MPRIP: variants seen among roughly 807,000 people sequenced by gnomAD.
MPRIP encodes the protein myosin phosphatase Rho interacting protein.
Under a neutral mutation model 234.9 loss-of-function variants are expected in MPRIP, and 59 were observed. The ratio of observed to expected loss-of-function variants is 0.25; its 90% CI spans 0.20 to 0.31. The LOEUF (loss-of-function observed/expected upper bound fraction) is 0.31. Ranked by LOEUF, MPRIP falls within the 10% of genes least tolerant of loss-of-function variation. The pLI, the probability that MPRIP is intolerant of heterozygous loss-of-function variation, is 1.00. For synonymous variants in MPRIP, 1,144 were observed against 1,263.9 expected (o/e 0.91, Z 2.01); for missense variants, 2,436 against 3,071.0 (o/e 0.79, Z 4.89).
At chr17:17,136,070 A>G in intron 5 of MPRIP, 149 bp from the exon 6 acceptor site, 1 of 758,876 alleles carries the variant, frequency 1.3e-6, no homozygotes. Context: ...CTGTGGTCTC[A>G]CTGTTTTGGG....
chr17:17,167,540 C>T lies in MPRIP; in HGVS notation c.5949C>T (p.Asp1983=). Residue 1983 remains aspartate (D), a synonymous_variant, in exon 16 of 24, where the codon GAC becomes GAT. Transcript: ENST00000651222. The surrounding 1 kb of genome is among the most constrained non-coding windows in gnomAD (Gnocchi z 5.9). ...VLSQLDASVR[D]RQDMERHHGE... ...GCCAGCTGGATGCCTCGGTCAGAGA[C>T]AGGCAGGACATGGAGAGGCATCATG... The T allele has an allele frequency of 7.7e-7, 1 of 1,304,274 alleles. No homozygotes were observed. Among genetic ancestry groups the T allele is most frequent in the Non-Finnish European group, 1.0e-6 (1 of 988,964 alleles). The allele number at this position is 1,304,274 out of a possible 1,614,324, so 80.8% of individuals were successfully genotyped here.
chr17:17,136,461 G>C lies in MPRIP; in HGVS notation c.736+11G>C. The C allele has an allele frequency of 6.2e-7, 1 of 1,603,588 alleles. No homozygotes were observed. Among genetic ancestry groups the C allele is most frequent in the African/African-American group, 1.3e-5 (1 of 74,850 alleles). On this transcript the variant is annotated intron_variant, in intron 6 of 23. Coordinates refer to ENST00000651222, the MANE Select transcript of MPRIP (RefSeq NM_001364716.4). Reference sequence around the variant, plus strand: ...TAGAGAGCAAAGAAGGTGAGCGGAGGCCAGGCTGGCTTGTATGCACGGGAA... The same window carrying C: ...TAGAGAGCAAAGAAGGTGAGCGGAGCCCAGGCTGGCTTGTATGCACGGGAA...
chr17:17,101,824 C>T (rs1348403639), intron 3 of MPRIP, among the ~76,000 whole-genome samples: 1 of 152,160 alleles, frequency 6.6e-6, no homozygotes, highest in African/African-American at 2.4e-5. Flanking sequence ...GTTCAAGTGC[C>T]CTTTCCAGGC....
chr17:17,062,737 AGAT>A, intron 1 of MPRIP, among the ~76,000 whole-genome samples: 1 of 152,382 alleles, frequency 6.6e-6, no homozygotes. Context: ...GTTAGGGAGT[AGAT>A]GTATAGTCAC....
intron 3 of MPRIP, among the ~76,000 whole-genome samples, chr17:17,079,036 T>G (rs1330836155): frequency 6.6e-6 from 1 of 152,190 alleles, no homozygotes; most frequent in African/African-American, 2.4e-5. Context: ...TGGAGATAAC[T>G]GTCCCTAGAG....
At chr17:17,096,093 T>G (rs1260081905) in intron 3 of MPRIP, among the ~76,000 whole-genome samples, 1 of 152,196 alleles carries the variant, frequency 6.6e-6, no homozygotes, top group Non-Finnish European at 1.5e-5. Context: ...TGGAGGCCCC[T>G]CTGTGTGTCA....
At chr17:17,065,003 C>T (rs527468508) in intron 1 of MPRIP, among the ~76,000 whole-genome samples, 25 of 152,146 alleles carry the variant, frequency 1.6e-4, no homozygotes, top group African/African-American at 5.1e-4. Context: ...TTGGTGTTGT[C>T]ACCATTTGTT....
chr17:17,096,807 A>C (rs967378975), intron 3 of MPRIP: 1 of 471,134 alleles, frequency 2.1e-6, no homozygotes, highest in Non-Finnish European at 4.4e-6. Context: ...TGGGGAAACC[A>C]CAAGGGAGCT....
intron 18 of MPRIP, 111 bp from the exon 19 acceptor site, chr17:17,173,805 C>T (rs1567776461): frequency 7.9e-7 from 1 of 1,262,750 alleles, no homozygotes; most frequent in Non-Finnish European, 1.2e-6. Flanking sequence ...AGACAACAGA[C>T]TGTGTGGGCC....
chr17:17,060,240 G>A (rs571349520), intron 1 of MPRIP, among the ~76,000 whole-genome samples: 2 of 152,268 alleles, frequency 1.3e-5, no homozygotes, highest in East Asian at 3.9e-4. Flanking sequence ...GGGCCCCACC[G>A]GGTCCCTAAG....
At chr17:17,057,610 G>A (rs1378390146) in intron 1 of MPRIP, 1 of 717,972 alleles carries the variant, frequency 1.4e-6, no homozygotes, top group African/African-American at 1.7e-5. Context: ...ACTGTTACCA[G>A]TTTTCAACCT....
At chr17:17,099,734 T>TA (rs1261600826) in intron 3 of MPRIP, among the ~76,000 whole-genome samples, 2 of 151,816 alleles carry the variant, frequency 1.3e-5, no homozygotes, top group African/African-American at 2.4e-5. Flanking sequence ...ATCTCTTTTT[T>TA]AAAAAAAATG....
At chr17:17,085,616 A>G (rs78402946) in intron 3 of MPRIP, among the ~76,000 whole-genome samples, 27 of 152,360 alleles carry the variant, frequency 1.8e-4, no homozygotes, top group African/African-American at 6.5e-4. Context: ...AGCTGCAGAA[A>G]AGAATACACA....
At position 17,143,541 on chromosome 17, in the gene MPRIP, T is replaced by A. The variant is rs771710335; in HGVS notation, c.1390-15T>A. The A allele has an allele frequency of 5.1e-6, 8 of 1,563,786 alleles. No individual in the cohort carries two copies. Among genetic ancestry groups the A allele is most frequent in the Non-Finnish European group, 7.0e-6 (8 of 1,145,158 alleles). ...GCCCTGGGCTGCACTGACCAGCGGC[T>A]GCTCTCTGCCACAGGACTTCACCAA... On this transcript the variant is annotated splice_polypyrimidine_tract_variant and intron_variant, in intron 8 of 23. Transcript: ENST00000651222.
Position 17,183,555 on chromosome 17 carries a change from G to A in MPRIP, c.7207-1268G>A, listed in dbSNP as rs940436279. Among the ~76,000 whole-genome samples, 2 of 152,338 alleles carry A rather than the reference G, an allele frequency of 1.3e-5. 1 individual carries two copies. The highest frequency in any genetic ancestry group is 4.1e-4 in the South Asian group (2 of 4,830). ...TTAAAATGCTTAGCAGCAGAACCCT[G>A]TATTTAAAAATCACATTGTTTATTT... On this transcript the variant is annotated intron_variant, in intron 23 of 23. Transcript: ENST00000651222.
chr17:17,046,999 G>A (rs1040216552), intron 1 of MPRIP, among the ~76,000 whole-genome samples: 3 of 152,160 alleles, frequency 2.0e-5, no homozygotes, highest in East Asian at 1.9e-4. Flanking sequence ...CCAACATGGT[G>A]AAACTCTGTC....
At position 17,158,528 on chromosome 17, in the gene MPRIP, T is replaced by C; in HGVS notation, c.1926T>C (p.Pro642=). ...AGGCAGAGCTGGGGGAGCCGGACCC[T>C]GAGCAGAAGAGGAGCCGCGCACGGG... ...KQEAELGEPD[P]EQKRSRARER... is the part of the protein sequence containing the mutation. Residue 642 remains proline (P), a synonymous_variant, in exon 14 of 24, where the codon CCT becomes CCC. Coordinates refer to ENST00000651222, the MANE Select transcript of MPRIP (RefSeq NM_001364716.4). 6.2e-7 allele frequency: 1 copy of C among 1,611,796 alleles called. No homozygotes were observed. The highest frequency in any genetic ancestry group is 8.5e-7 in the Non-Finnish European group (1 of 1,179,898).
intron 1 of MPRIP, among the ~76,000 whole-genome samples, chr17:17,066,773 A>G (rs1468926504): frequency 1.7e-5 from 1 of 58,464 alleles, no homozygotes; most frequent in Non-Finnish European, 3.4e-5. Flanking sequence ...TTTTTTTGAG[A>G]CAGTGTCTTG....
Position 17,150,236 on chromosome 17 carries a change from G to A in MPRIP, c.1719+3G>A, listed in dbSNP as rs1420921116. The A allele has an allele frequency of 6.2e-7, 1 of 1,605,944 alleles. No individual in the cohort carries two copies. Among genetic ancestry groups the A allele is most frequent in the Non-Finnish European group, 8.5e-7 (1 of 1,173,018 alleles). ...GAAACTATGGCTTCCAGATACATGTGAGTCCAGGGATGGAAGTGGGGCCAC... is the reference window on the plus strand; with the variant it reads ...GAAACTATGGCTTCCAGATACATGTAAGTCCAGGGATGGAAGTGGGGCCAC... On this transcript the variant is annotated splice_donor_region_variant and intron_variant, in intron 12 of 23. Coordinates refer to ENST00000651222, the MANE Select transcript of MPRIP (RefSeq NM_001364716.4).
Sources: gnomAD v4.1 joint callset for allele counts (sites outside exome capture counted in the v4.1 genomes callset) on GRCh38, gnomAD v4.1.1 for gene constraint, Gnocchi (gnomAD v3.1) non-coding constraint, MANE v1.5 for transcripts, NCBI Gene and HGNC (gene_info 2026-07-23, HGNC 2026-07-21) for gene names.